HS6ST3: variants seen among roughly 807,000 people sequenced by gnomAD.
HS6ST3 encodes heparan-sulfate 6-O-sulfotransferase 3.
HS6ST3 carries 12 observed loss-of-function variants against 36.7 expected under a neutral mutation model. That is an observed-to-expected ratio of 0.33 (90% CI 0.21 to 0.53). HS6ST3 has a LOEUF of 0.53. Among genes scored for constraint, HS6ST3 ranks in the 20% least tolerant of loss-of-function variants. HS6ST3 has a pLI of 0.95. For synonymous variants in HS6ST3, 240 were observed against 257.5 expected, an observed-to-expected ratio of 0.93 and a Z score of 0.65; for missense variants, 584 against 640.9, an observed-to-expected ratio of 0.91 and a Z score of 0.96.
At chr13:96,333,553 G>A (rs1170137113) in intron 1 of HS6ST3, among the ~76,000 whole-genome samples, 1 of 152,134 alleles carries the variant, frequency 6.6e-6, no homozygotes, top group Non-Finnish European at 1.5e-5. Context: ...AAAGCCTGTA[G>A]CTTTACCCAG....
At chr13:96,737,743 A>C (rs1876324197) in intron 1 of HS6ST3, among the ~76,000 whole-genome samples, 1 of 152,146 alleles carries the variant, frequency 6.6e-6, no homozygotes, top group Admixed American at 6.5e-5. Flanking sequence ...TTATGTAAAA[A>C]CTAAGAAGGT....
intron 1 of HS6ST3, among the ~76,000 whole-genome samples, chr13:96,821,395 G>A (rs1878531424): frequency 6.6e-6 from 1 of 152,178 alleles, no homozygotes; most frequent in South Asian, 2.1e-4. Flanking sequence ...GTCATAAACT[G>A]AATTTCCAAG....
chr13:96,463,947 C>T (rs2055798010), intron 1 of HS6ST3, among the ~76,000 whole-genome samples: 1 of 150,386 alleles, frequency 6.6e-6, no homozygotes, highest in African/African-American at 2.5e-5. Context: ...CCCACATTCA[C>T]TTTTGGATTT....
intron 1 of HS6ST3, among the ~76,000 whole-genome samples, chr13:96,732,155 A>C (rs933103421): frequency 3.3e-5 from 5 of 152,180 alleles, no homozygotes; most frequent in Admixed American, 6.5e-5. Flanking sequence ...CTGATGATTC[A>C]TGAAACTGAA....
At chr13:96,377,726 A>G (rs1004275537) in intron 1 of HS6ST3, among the ~76,000 whole-genome samples, 2 of 152,190 alleles carry the variant, frequency 1.3e-5, no homozygotes, top group Admixed American at 6.6e-5. Context: ...AGGCAAAACA[A>G]TGTAAGCATT....
chr13:96,518,549 G>C (rs1036166049), intron 1 of HS6ST3, among the ~76,000 whole-genome samples: 4 of 151,970 alleles, frequency 2.6e-5, no homozygotes, highest in Non-Finnish European at 4.4e-5. Flanking sequence ...TAAACATTCT[G>C]TCTTATTATT....
intron 1 of HS6ST3, among the ~76,000 whole-genome samples, chr13:96,115,936 T>C (rs1445789970): frequency 6.6e-6 from 1 of 152,206 alleles, no homozygotes; most frequent in African/African-American, 2.4e-5. Context: ...ATAATCACCA[T>C]TCTCTGACTG....
intron 1 of HS6ST3, among the ~76,000 whole-genome samples, chr13:96,799,970 A>ATATATATATATG (rs1878013795): frequency 1.1e-5 from 1 of 92,632 alleles, no homozygotes; most frequent in Non-Finnish European, 2.1e-5. Flanking sequence ...ATATGTGTAT[A>ATATATATATATG]TATATATATA....
At chr13:96,702,814 G>A (rs768106183) in intron 1 of HS6ST3, among the ~76,000 whole-genome samples, 6 of 152,174 alleles carry the variant, frequency 3.9e-5, no homozygotes, top group Non-Finnish European at 5.9e-5. Context: ...ATATTAGCTG[G>A]ACACGAGTAA....
chr13:96,154,223 T>C (rs1052096556), intron 1 of HS6ST3, among the ~76,000 whole-genome samples: 1 of 152,172 alleles, frequency 6.6e-6, no homozygotes, highest in Non-Finnish European at 1.5e-5. Flanking sequence ...ATCAGTTTTA[T>C]TTGTATTCAT....
At chr13:96,691,260 A>G (rs1347868025) in intron 1 of HS6ST3, among the ~76,000 whole-genome samples, 1 of 152,122 alleles carries the variant, frequency 6.6e-6, no homozygotes, top group African/African-American at 2.4e-5. Context: ...GTGACAGGCT[A>G]CTGAAGATAA....
chr13:96,708,965 C>T (rs1250770680), intron 1 of HS6ST3, among the ~76,000 whole-genome samples: 1 of 152,152 alleles, frequency 6.6e-6, no homozygotes, highest in Non-Finnish European at 1.5e-5. Context: ...TTCTGACCCT[C>T]AACATGTGAT....
intron 1 of HS6ST3, among the ~76,000 whole-genome samples, chr13:96,103,107 C>T (rs1431239905): frequency 6.6e-6 from 1 of 151,954 alleles, no homozygotes; most frequent in Non-Finnish European, 1.5e-5. Flanking sequence ...TACAGTAATG[C>T]CCTGAAAATG....
At chr13:96,251,152 G>A (rs1367699575) in intron 1 of HS6ST3, among the ~76,000 whole-genome samples, 10 of 152,126 alleles carry the variant, frequency 6.6e-5, no homozygotes, top group Non-Finnish European at 1.2e-4. Context: ...GCGTTTTAGA[G>A]GATAGGTGTT....
chr13:96,667,105 T>C (rs2056666591), intron 1 of HS6ST3, among the ~76,000 whole-genome samples: 1 of 152,202 alleles, frequency 6.6e-6, no homozygotes, highest in Non-Finnish European at 1.5e-5. Context: ...TGACTACAGA[T>C]TATACATGGA....
At chr13:96,332,290 A>G (rs1383481368) in intron 1 of HS6ST3, among the ~76,000 whole-genome samples, 1 of 152,228 alleles carries the variant, frequency 6.6e-6, no homozygotes, top group Non-Finnish European at 1.5e-5. Context: ...TTTGTAGAAT[A>G]CATAAAAGGA....
chr13:96,365,919 A>G (rs1051693935), intron 1 of HS6ST3, among the ~76,000 whole-genome samples: 4 of 152,198 alleles, frequency 2.6e-5, no homozygotes, highest in African/African-American at 9.6e-5. Flanking sequence ...GCTAATATTT[A>G]AAAATAAGAA....
intron 1 of HS6ST3, among the ~76,000 whole-genome samples, chr13:96,232,487 G>T (rs1221891490): frequency 6.6e-6 from 1 of 152,156 alleles, no homozygotes; most frequent in Admixed American, 6.5e-5. Flanking sequence ...GAGAGAATGT[G>T]CAGTCTCCAC....
At chr13:96,520,203 C>T (rs1436861200) in intron 1 of HS6ST3, among the ~76,000 whole-genome samples, 2 of 152,122 alleles carry the variant, frequency 1.3e-5, no homozygotes, top group African/African-American at 4.8e-5. Flanking sequence ...CGTTCTCTTC[C>T]ATTGGTCTGT....
Sources: allele counts gnomAD v4.1 joint callset (sites outside exome capture counted in the v4.1 genomes callset), GRCh38; gene constraint gnomAD v4.1.1; transcripts MANE v1.5; gene names NCBI Gene and HGNC (gene_info 2026-07-23, HGNC 2026-07-21).